Variants in OSBPL8 observed in about 807,000 individuals in gnomAD.
The protein encoded by OSBPL8 is oxysterol binding protein like 8, also known as oxysterol-binding protein-related protein 8.
OSBPL8 carries 59 observed loss-of-function variants against 125.5 expected under a neutral mutation model. That is an observed-to-expected ratio of 0.47 (90% CI 0.38 to 0.58). The LOEUF is 0.58. Ranked by LOEUF, OSBPL8 falls within the 20% of genes least tolerant of loss-of-function variation. The pLI is 0.00. For synonymous variants in OSBPL8, 330 were observed against 338.9 expected, an observed-to-expected ratio of 0.97 and a Z score of 0.29; for missense variants, 758 against 1,047.8, an observed-to-expected ratio of 0.72 and a Z score of 3.82.
intron 4 of OSBPL8, among the ~76,000 whole-genome samples, chr12:76,438,112 G>A (rs983971481): frequency 4.3e-4 from 65 of 150,228 alleles, no homozygotes; most frequent in African/African-American, 1.5e-3. Context: ...TCAGCCTCTC[G>A]GGTAGCTGGG....
chr12:76,418,632 A>G (rs1869048384), intron 4 of OSBPL8, among the ~76,000 whole-genome samples: 2 of 152,012 alleles, frequency 1.3e-5, no homozygotes, highest in Admixed American at 1.3e-4. Flanking sequence ...GGAGTTCGAG[A>G]CCAGCCTGGC....
chr12:76,447,595 G>A (rs1032203009), intron 4 of OSBPL8, among the ~76,000 whole-genome samples: 16 of 151,930 alleles, frequency 1.1e-4, no homozygotes, highest in Non-Finnish European at 1.5e-5. Flanking sequence ...CCAGGCTGGA[G>A]TGCAATGGCG....
At position 76,378,546 on chromosome 12, in the gene OSBPL8, GT is replaced by G; in HGVS notation, c.1634del (p.Asn545ThrfsTer7). 6.3e-7 allele frequency: 1 copy of G among 1,578,192 alleles called. No individual in the cohort carries two copies. Among genetic ancestry groups the G allele is most frequent in the Non-Finnish European group, 8.6e-7 (1 of 1,157,050 alleles). On this transcript the variant is annotated frameshift_variant, in exon 16 of 24. Transcript: ENST00000261183. LOFTEE classifies it high-confidence loss of function. ...SILAKSKFYG[N>X]SLSAILEGEA... ...CTCCCTCTAATATTGCAGATAATGA[GT>G]TTCCTGAAATAAAATGTTGTTTATT... is the stretch of plus-strand genomic sequence containing the variant.
chr12:76,420,844 T>C (rs1869385775), intron 4 of OSBPL8, among the ~76,000 whole-genome samples: 1 of 152,048 alleles, frequency 6.6e-6, no homozygotes, highest in Admixed American at 6.5e-5. Flanking sequence ...AAAGCAGATA[T>C]TTTATAGAGC....
intron 3 of OSBPL8, among the ~76,000 whole-genome samples, chr12:76,458,282 C>A (rs750571790): frequency 2.0e-5 from 3 of 151,452 alleles, no homozygotes; most frequent in Non-Finnish European, 1.5e-5. Context: ...TCAAGAAAAT[C>A]AAAAACAACA....
intron 1 of OSBPL8, among the ~76,000 whole-genome samples, chr12:76,557,802 T>C (rs1050281570): frequency 2.6e-5 from 4 of 152,200 alleles, no homozygotes; most frequent in Non-Finnish European, 4.4e-5. Flanking sequence ...ATAAGTACCC[T>C]GAATGTGTTA....
intron 2 of OSBPL8, among the ~76,000 whole-genome samples, chr12:76,462,038 T>C (rs1228906461): frequency 2.0e-5 from 3 of 152,204 alleles, no homozygotes; most frequent in Non-Finnish European, 4.4e-5. Context: ...ATATAAATGA[T>C]TGCATCGTTT....
intron 1 of OSBPL8, among the ~76,000 whole-genome samples, chr12:76,539,574 ATAT>A (rs1950588389): frequency 6.6e-6 from 1 of 152,208 alleles, no homozygotes; most frequent in Admixed American, 6.5e-5. Flanking sequence ...AATCAACGTA[ATAT>A]TAATAATGTA....
At chr12:76,427,837 G>A (rs1055003224) in intron 4 of OSBPL8, among the ~76,000 whole-genome samples, 1 of 152,004 alleles carries the variant, frequency 6.6e-6, no homozygotes, top group Non-Finnish European at 1.5e-5. Flanking sequence ...TGTTTTTCAG[G>A]ATACAAGTCA....
At chr12:76,418,812 G>T (rs955868591) in intron 4 of OSBPL8, among the ~76,000 whole-genome samples, 4 of 152,096 alleles carry the variant, frequency 2.6e-5, no homozygotes, top group African/African-American at 7.2e-5. Flanking sequence ...CAGCCTGGGC[G>T]ACAGAGTGAG....
chr12:76,550,102 G>T (rs956556084), intron 1 of OSBPL8, among the ~76,000 whole-genome samples: 6 of 151,920 alleles, frequency 3.9e-5, no homozygotes, highest in African/African-American at 7.2e-5. Flanking sequence ...GGTGTGGGGG[G>T]GCTGGGGTGT....
chr12:76,444,366 T>C (rs1243034491), intron 4 of OSBPL8, among the ~76,000 whole-genome samples: 1 of 152,148 alleles, frequency 6.6e-6, no homozygotes. Flanking sequence ...AAAGCAGTGA[T>C]ATAAGAATTT....
chr12:76,508,366 C>T (rs1290448650), intron 1 of OSBPL8, among the ~76,000 whole-genome samples: 1 of 152,176 alleles, frequency 6.6e-6, no homozygotes, highest in East Asian at 1.9e-4. Flanking sequence ...CAAGAACAGA[C>T]TGCATGTATG....
chr12:76,370,176 C>T (rs1952567547), intron 19 of OSBPL8, among the ~76,000 whole-genome samples: 2 of 152,100 alleles, frequency 1.3e-5, no homozygotes, highest in Non-Finnish European at 2.9e-5. Context: ...CTAGATGCGT[C>T]TTACACTGTT....
chr12:76,409,322 GAACA>G (rs1010457894), intron 5 of OSBPL8, among the ~76,000 whole-genome samples: 5 of 152,156 alleles, frequency 3.3e-5, no homozygotes, highest in African/African-American at 1.2e-4. Flanking sequence ...AGAAGAAGCT[GAACA>G]AACAGGCCTT....
At chr12:76,446,895 T>C (rs1239936517) in intron 4 of OSBPL8, among the ~76,000 whole-genome samples, 1 of 152,094 alleles carries the variant, frequency 6.6e-6, no homozygotes, top group Non-Finnish European at 1.5e-5. Context: ...CAAAAAGAAT[T>C]TGTCACCACT....
intron 1 of OSBPL8, among the ~76,000 whole-genome samples, chr12:76,553,918 A>G (rs1951018649): frequency 7.2e-6 from 1 of 139,786 alleles, no homozygotes; most frequent in Non-Finnish European, 1.5e-5. Context: ...CAGAGGTTGC[A>G]GTGAGCCAAG....
chr12:76,373,212 C>T (rs1952685583), intron 18 of OSBPL8, 132 bp downstream of exon 18: 1 of 537,266 alleles, frequency 1.9e-6, no homozygotes, highest in African/African-American at 2.0e-5. Flanking sequence ...ACCAAAATAT[C>T]TGCTATTAAG....
At chr12:76,489,355 A>T (rs914438663) in intron 1 of OSBPL8, among the ~76,000 whole-genome samples, 4 of 152,230 alleles carry the variant, frequency 2.6e-5, no homozygotes, top group African/African-American at 9.6e-5. Context: ...GGACTTTCAT[A>T]TCTAGAGAGG....
Sources: allele counts gnomAD v4.1 joint callset (sites outside exome capture counted in the v4.1 genomes callset), GRCh38; gene constraint gnomAD v4.1.1; transcripts MANE v1.5; gene names NCBI Gene and HGNC (gene_info 2026-07-23, HGNC 2026-07-21).